SIL1: variants seen among roughly 807,000 people sequenced by gnomAD.
SIL1 encodes nucleotide exchange factor SIL1.
SIL1 carries 40 observed loss-of-function variants against 49.1 expected under a neutral mutation model. That is an observed-to-expected ratio of 0.81 (90% CI 0.63 to 1.06). The LOEUF is 1.06. Ranked by LOEUF, SIL1 falls within the 50% of genes least tolerant of loss-of-function variation. The probability of loss-of-function intolerance (pLI) is 0.00; values close to 1 mark genes in which losing one functional copy is unlikely to be tolerated. For synonymous variants in SIL1, 253 were observed against 250.8 expected (o/e 1.01, Z -0.08); for missense variants, 500 against 572.6 (o/e 0.87, Z 1.29).
chr5:139,167,992 T>TA (rs1751658569), intron 1 of SIL1, among the ~76,000 whole-genome samples: 1 of 152,244 alleles, frequency 6.6e-6, no homozygotes, highest in South Asian at 2.1e-4. Context: ...TACCATTTTT[T>TA]ATCTTTTATA....
chr5:139,141,764 T>C (rs530517687), intron 1 of SIL1, among the ~76,000 whole-genome samples: 2 of 152,360 alleles, frequency 1.3e-5, no homozygotes, highest in Non-Finnish European at 2.9e-5. Context: ...GCCACCTCTA[T>C]GATCACATGT....
intron 1 of SIL1, among the ~76,000 whole-genome samples, chr5:139,141,482 CAA>C (rs879446238): frequency 5.7e-5 from 5 of 88,312 alleles, no homozygotes; most frequent in Non-Finnish European, 2.5e-5. Flanking sequence ...TCTGTCTCTA[CAA>C]AAAAAAAAAA....
chr5:139,121,437 G>A (rs1043271360), intron 2 of SIL1, among the ~76,000 whole-genome samples: 1 of 152,212 alleles, frequency 6.6e-6, no homozygotes, highest in Non-Finnish European at 1.5e-5. Flanking sequence ...AAGATCCCAT[G>A]TATCTTGAGC....
Position 139,086,219 on chromosome 5 carries a change from G to A in SIL1, c.244+34816C>T, listed in dbSNP as rs553369024. ...ATCTGGGAGGTCAAGGCTGCAGTGAGCCATGACTGCACCACTGCACTCCAG... is the reference window on the plus strand; with the variant it reads ...ATCTGGGAGGTCAAGGCTGCAGTGAACCATGACTGCACCACTGCACTCCAG... On this transcript the variant is annotated intron_variant, in intron 3 of 9. Coordinates refer to ENST00000394817, the MANE Select transcript of SIL1 (RefSeq NM_022464.5). 1.6e-4 allele frequency among the ~76,000 whole-genome samples: 24 copies of A among 146,486 alleles called. No individual in the cohort carries two copies. The South Asian group carries it at 4.9e-3, about 30-fold the overall frequency.
chr5:138,953,648 C>T (rs1019659832), intron 7 of SIL1, among the ~76,000 whole-genome samples: 3 of 151,880 alleles, frequency 2.0e-5, no homozygotes, highest in Non-Finnish European at 4.4e-5. Flanking sequence ...GGCAGGCAGG[C>T]GCTGGCGCAG....
chr5:139,149,393 A>G (rs569570502), intron 1 of SIL1, among the ~76,000 whole-genome samples: 65 of 152,352 alleles, frequency 4.3e-4, no homozygotes, highest in Non-Finnish European at 8.2e-4. Context: ...ACATCCAAAC[A>G]GAAGATTATT....
chr5:139,006,856 A>C (rs1304113015), intron 7 of SIL1, among the ~76,000 whole-genome samples: 3 of 148,200 alleles, frequency 2.0e-5, no homozygotes, highest in East Asian at 4.0e-4. Flanking sequence ...TGTTTTGGTT[A>C]CTGTAGCCTT....
intron 1 of SIL1, among the ~76,000 whole-genome samples, chr5:139,170,912 C>T (rs1401689666): frequency 6.8e-6 from 1 of 146,854 alleles, no homozygotes; most frequent in African/African-American, 2.5e-5. Flanking sequence ...AGTGAGGAGC[C>T]CCTCTGCCCA....
chr5:139,194,220 A>C (rs1752224483), intron 1 of SIL1, among the ~76,000 whole-genome samples: 1 of 152,204 alleles, frequency 6.6e-6, no homozygotes, highest in African/African-American at 2.4e-5. Context: ...CAAAAGTAAG[A>C]ATGCCAGGTG....
intron 1 of SIL1, among the ~76,000 whole-genome samples, chr5:139,146,026 T>A (rs1357787936): frequency 6.6e-6 from 1 of 152,184 alleles, no homozygotes; most frequent in African/African-American, 2.4e-5. Flanking sequence ...TGTGTTTTGG[T>A]AGAGATGGGG....
chr5:138,988,540 T>C (rs1283842321), intron 7 of SIL1, among the ~76,000 whole-genome samples: 1 of 152,232 alleles, frequency 6.6e-6, no homozygotes, highest in East Asian at 1.9e-4. Context: ...ACTGTCATTT[T>C]TAAACGTAGG....
intron 1 of SIL1, among the ~76,000 whole-genome samples, chr5:139,174,531 G>A (rs1751839089): frequency 6.6e-6 from 1 of 151,922 alleles, no homozygotes; most frequent in South Asian, 2.1e-4. Context: ...AGAAATCAAA[G>A]TTGGGCCAGG....
At chr5:138,981,810 G>A (rs764192050) in intron 7 of SIL1, among the ~76,000 whole-genome samples, 3 of 152,090 alleles carry the variant, frequency 2.0e-5, no homozygotes, top group South Asian at 4.2e-4. Flanking sequence ...GCCTGCTCTC[G>A]CGTGCTCTCA....
intron 7 of SIL1, among the ~76,000 whole-genome samples, chr5:139,014,763 C>T (rs970375164): frequency 1.1e-4 from 16 of 152,258 alleles, no homozygotes; most frequent in Admixed American, 5.2e-4. Flanking sequence ...AGGCCAATCT[C>T]GGTTAATATG....
At chr5:139,061,767 C>A (rs1234539372) in intron 3 of SIL1, among the ~76,000 whole-genome samples, 1 of 152,122 alleles carries the variant, frequency 6.6e-6, no homozygotes, top group Non-Finnish European at 1.5e-5. Flanking sequence ...TTGTCAAGTC[C>A]TACAGGTAGG....
At chr5:139,010,944 G>A (rs1181168601) in intron 7 of SIL1, among the ~76,000 whole-genome samples, 1 of 148,548 alleles carries the variant, frequency 6.7e-6, no homozygotes, top group Non-Finnish European at 1.5e-5. Flanking sequence ...CCCAGAGGTG[G>A]AGCCTACAGA....
intron 7 of SIL1, among the ~76,000 whole-genome samples, chr5:138,977,445 C>T (rs1337288681): frequency 1.3e-5 from 2 of 152,104 alleles, no homozygotes; most frequent in African/African-American, 4.8e-5. Context: ...CCTTCTCTCC[C>T]GCAAAGCAAT....
chr5:139,102,484 C>CAAAAAAAAAAAA (rs57739735), intron 3 of SIL1, among the ~76,000 whole-genome samples: 1 of 115,698 alleles, frequency 8.6e-6, no homozygotes, highest in Admixed American at 9.1e-5. Flanking sequence ...TGTCAGCAGG[C>CAAAAAAAAAAAA]AAAAAAAAAA....
At chr5:139,131,242 A>G (rs1189426760) in intron 1 of SIL1, among the ~76,000 whole-genome samples, 1 of 152,170 alleles carries the variant, frequency 6.6e-6, no homozygotes, top group Non-Finnish European at 1.5e-5. Flanking sequence ...TTGAGGCTTA[A>G]GTGAGTTAAT....
Sources: allele counts gnomAD v4.1 joint callset (sites outside exome capture counted in the v4.1 genomes callset), GRCh38; gene constraint gnomAD v4.1.1; transcripts MANE v1.5; gene names NCBI Gene and HGNC (gene_info 2026-07-23, HGNC 2026-07-21).